The following GRIN3A variants were observed in gnomAD, a reference collection of about 807,000 sequenced individuals.
The protein encoded by GRIN3A is glutamate receptor ionotropic, NMDA 3A.
In GRIN3A, 47 loss-of-function variants were observed where a neutral mutation model predicts 92.4. The ratio of observed to expected loss-of-function variants is 0.51; its 90% CI spans 0.40 to 0.65. GRIN3A has a LOEUF of 0.65. Among genes scored for constraint, GRIN3A ranks in the 30% least tolerant of loss-of-function variants. GRIN3A has a pLI of 0.00. For missense variants in GRIN3A, 1,324 were observed against 1,393.1 expected (o/e 0.95, Z 0.79); for synonymous variants, 527 against 540.6 (o/e 0.97, Z 0.35).
chr9:101,731,650 G>T (rs1830140598), intron 1 of GRIN3A, among the ~76,000 whole-genome samples: 1 of 152,038 alleles, frequency 6.6e-6, no homozygotes, highest in African/African-American at 2.4e-5. Context: ...GCCAGGTCAG[G>T]GATCAACCCA....
At chr9:101,648,602 A>T (rs893435600) in intron 3 of GRIN3A, among the ~76,000 whole-genome samples, 2 of 152,024 alleles carry the variant, frequency 1.3e-5, no homozygotes, top group Admixed American at 1.3e-4. Context: ...CTCTCCCTTT[A>T]GTTCTATTAA....
intron 6 of GRIN3A, 43 bp from the exon 7 acceptor site, chr9:101,579,403 T>C (rs1827863233): frequency 3.1e-6 from 5 of 1,590,254 alleles, no homozygotes; most frequent in Non-Finnish European, 4.3e-6. Context: ...TACAATGATA[T>C]ACCTGGCCCA....
intron 3 of GRIN3A, among the ~76,000 whole-genome samples, chr9:101,657,199 T>C (rs774778654): frequency 3.3e-5 from 5 of 151,928 alleles, no homozygotes; most frequent in Non-Finnish European, 7.4e-5. Context: ...GCCTCTGATA[T>C]CTTTATATTC....
At chr9:101,653,025 A>C (rs1361380955) in intron 3 of GRIN3A, among the ~76,000 whole-genome samples, 1 of 151,912 alleles carries the variant, frequency 6.6e-6, no homozygotes, top group Non-Finnish European at 1.5e-5. Flanking sequence ...TCAAAAATGA[A>C]ACATTTTCAC....
intron 6 of GRIN3A, among the ~76,000 whole-genome samples, chr9:101,600,578 T>G (rs1828198034): frequency 6.6e-6 from 1 of 152,102 alleles, no homozygotes; most frequent in Admixed American, 6.5e-5. Flanking sequence ...ATTTACAATC[T>G]CAAGAAGCAG....
Position 101,579,322 on chromosome 9 carries a change from A to G in GRIN3A, c.2805T>C (p.Phe935=). 1 of 1,614,040 alleles carries G rather than the reference A, an allele frequency of 6.2e-7. No homozygotes were observed. Among genetic ancestry groups the G allele is most frequent in the Non-Finnish European group, 8.5e-7 (1 of 1,179,926 alleles). ...QMGIKHFSGL[F]VLLCIGFGLS... ...GACCAAATCCAATGCACAGCAGCAC[A>G]AAGAGCCCAGAGAAGTGTTTGATGC... The change falls in exon 7 of 9, where the codon TTT becomes TTC. Residue 935 remains phenylalanine (F), a synonymous_variant. Coordinates refer to ENST00000361820, the MANE Select transcript of GRIN3A (RefSeq NM_133445.3).
chr9:101,677,355 T>C (rs1437251214), intron 2 of GRIN3A, among the ~76,000 whole-genome samples: 1 of 152,020 alleles, frequency 6.6e-6, no homozygotes, highest in Non-Finnish European at 1.5e-5. Context: ...CTTTATTTTA[T>C]TTTATTTTTT....
At chr9:101,621,712 C>A (rs540549659) in intron 5 of GRIN3A, among the ~76,000 whole-genome samples, 51 of 152,252 alleles carry the variant, frequency 3.3e-4, no homozygotes, top group African/African-American at 1.1e-3. Context: ...CACTAGGGTC[C>A]AGCAGAGGCA....
At chr9:101,652,397 T>A (rs1472897450) in intron 3 of GRIN3A, among the ~76,000 whole-genome samples, 1 of 151,866 alleles carries the variant, frequency 6.6e-6, no homozygotes, top group Non-Finnish European at 1.5e-5. Flanking sequence ...TGACACCCTA[T>A]GAAAGTTAGA....
intron 3 of GRIN3A, among the ~76,000 whole-genome samples, chr9:101,667,586 C>T (rs1829257527): frequency 6.6e-6 from 1 of 151,990 alleles, no homozygotes; most frequent in African/African-American, 2.4e-5. Flanking sequence ...CTGAATTGCT[C>T]TACCTTATTT....
chr9:101,661,324 A>C (rs1829168811), intron 3 of GRIN3A, among the ~76,000 whole-genome samples: 1 of 151,924 alleles, frequency 6.6e-6, no homozygotes, highest in Non-Finnish European at 1.5e-5. Context: ...AATATGAGGT[A>C]GAAATAATAC....
chr9:101,705,498 T>C (rs1430349353), intron 1 of GRIN3A, among the ~76,000 whole-genome samples: 1 of 152,170 alleles, frequency 6.6e-6, no homozygotes, highest in Non-Finnish European at 1.5e-5. Context: ...TGTGATCTGA[T>C]TGGTCCAGGA....
At chr9:101,683,422 C>A (rs1404829304) in intron 2 of GRIN3A, among the ~76,000 whole-genome samples, 2 of 152,228 alleles carry the variant, frequency 1.3e-5, no homozygotes, top group East Asian at 3.9e-4. Flanking sequence ...GCAGATGTGA[C>A]TTATGGACTG....
At chr9:101,720,885 A>G (rs1276627102) in intron 1 of GRIN3A, among the ~76,000 whole-genome samples, 1 of 152,162 alleles carries the variant, frequency 6.6e-6, no homozygotes, top group African/African-American at 2.4e-5. Flanking sequence ...GATCAGAAAA[A>G]ATAATGAAAA....
chr9:101,673,188 C>A (rs11790837), intron 2 of GRIN3A, among the ~76,000 whole-genome samples: 1 of 151,798 alleles, frequency 6.6e-6, no homozygotes, highest in African/African-American at 2.4e-5. Flanking sequence ...TGAGAGAGTA[C>A]CTTTGACCAA....
intron 2 of GRIN3A, among the ~76,000 whole-genome samples, chr9:101,672,479 T>G (rs576284477): frequency 1.1e-4 from 16 of 152,290 alleles, no homozygotes; most frequent in African/African-American, 3.6e-4. Flanking sequence ...TAAAAGAAAT[T>G]AAATTGAAAT....
intron 1 of GRIN3A, among the ~76,000 whole-genome samples, chr9:101,711,072 C>T (rs1320909609): frequency 6.6e-6 from 1 of 152,162 alleles, no homozygotes; most frequent in African/African-American, 2.4e-5. Flanking sequence ...ACTGTACTCA[C>T]CCTCGTCCTT....
In GRIN3A at chr9:101,737,428, C is replaced by G; in HGVS notation, c.552G>C (p.Val184=). Residue 184 remains valine, a synonymous_variant, in exon 1 of 9, where the codon GTG becomes GTC. Transcript: ENST00000361820. ...CCCCTTGCACCACCACGGTATGGCACACACTTTGCAGGAAGGAGAAAGGGT... is the reference window on the plus strand; with the variant it reads ...CCCCTTGCACCACCACGGTATGGCAGACACTTTGCAGGAAGGAGAAAGGGT... ...SSDPFSFLQS[V]CHTVVVQGVS... 1 of 1,614,256 alleles carries G rather than the reference C, an allele frequency of 6.2e-7. No individual in the cohort carries two copies. Among genetic ancestry groups the G allele is most frequent in the Non-Finnish European group, 8.5e-7 (1 of 1,180,040 alleles).
chr9:101,588,264 T>C (rs1827973636), intron 6 of GRIN3A, among the ~76,000 whole-genome samples: 1 of 152,194 alleles, frequency 6.6e-6, no homozygotes, highest in African/African-American at 2.4e-5. Context: ...AGATCACACT[T>C]AACAAAAGAA....
Sources: gnomAD v4.1 joint callset for allele counts (sites outside exome capture counted in the v4.1 genomes callset) on GRCh38, gnomAD v4.1.1 for gene constraint, MANE v1.5 for transcripts, NCBI Gene and HGNC (gene_info 2026-07-23, HGNC 2026-07-21) for gene names.